CAPN15: variants seen among roughly 807,000 people sequenced by gnomAD.
CAPN15 encodes the protein calpain-15.
CAPN15 carries 53 observed loss-of-function variants against 97.9 expected under a neutral mutation model. That is an observed-to-expected ratio of 0.54 (90% CI 0.43 to 0.68). The LOEUF (loss-of-function observed/expected upper bound fraction) is 0.68. Ranked by LOEUF, CAPN15 falls within the 30% of genes least tolerant of loss-of-function variation. The probability of loss-of-function intolerance (pLI) is 0.00; values close to 1 mark genes in which losing one functional copy is unlikely to be tolerated. For synonymous variants in CAPN15, 922 were observed against 722.5 expected (o/e 1.28, Z -4.43); for missense variants, 1,592 against 1,589.8 (o/e 1.00, Z -0.02).
rs1297518409 is a variant in CAPN15, at chr16:549,377, A to G, written c.1748A>G (p.Tyr583Cys). The change falls in exon 6 of 14, where the codon TAC becomes TGC. Residue 583 changes from tyrosine to cysteine, a missense_variant. Tyr to Cys is a radical substitution (Grantham distance 194). Transcript: ENST00000219611. ...VTRSLCAEGAYQVRLCKDGTW... is the reference protein window; with the variant it reads ...VTRSLCAEGACQVRLCKDGTW... ...CGCAGCCTGTGTGCAGAGGGCGCCT[A>G]CCAGGTGCGGCTGTGCAAGGACGGC... The G allele has an allele frequency of 6.3e-7, 1 of 1,598,878 alleles. No individual in the cohort carries two copies. Among genetic ancestry groups the G allele is most frequent in the Non-Finnish European group, 8.5e-7 (1 of 1,178,704 alleles).
At chr16:544,530 TGCAC>T (rs2034393975) in intron 3 of CAPN15, among the ~76,000 whole-genome samples, 1 of 152,104 alleles carries the variant, frequency 6.6e-6, no homozygotes, top group Non-Finnish European at 1.5e-5. Context: ...GGCTCTGTCT[TGCAC>T]GCAGCGAGCG....
chr16:551,708 T>G, intron 9 of CAPN15, 44 bp downstream of exon 9: 1 of 1,577,718 alleles, frequency 6.3e-7, no homozygotes, highest in Non-Finnish European at 8.6e-7. Flanking sequence ...CCCGCCCTCC[T>G]AGGGCCGAGT....
intron 3 of CAPN15, among the ~76,000 whole-genome samples, chr16:544,109 A>AC (rs147306582): frequency 0.033 from 4,931 of 151,136 alleles, 276 homozygotes; most frequent in African/African-American, 0.11. Flanking sequence ...ACAAGGGTAG[A>AC]CCCCCCCTGG....
chr16:547,465 C>G lies in CAPN15; in HGVS notation c.627C>G (p.Ala209=), dbSNP rs34551280. 6.9e-6 allele frequency: 11 copies of G among 1,594,036 alleles called. No homozygotes were observed. The highest frequency in any genetic ancestry group is 7.6e-6 in the Non-Finnish European group (9 of 1,177,272). ...APPPGLPGEG[A]EANPPATSQG... The stretch of plus-strand genomic sequence containing the variant: ...CACCTGGCCTCCCCGGGGAAGGTGC[C>G]GAGGCCAACCCCCCAGCCACCAGCC... The change falls in exon 4 of 14, where the codon GCC becomes GCG. Residue 209 remains alanine (A), a synonymous_variant. Coordinates refer to ENST00000219611, the MANE Select transcript of CAPN15 (RefSeq NM_005632.3).
intron 1 of CAPN15, among the ~76,000 whole-genome samples, chr16:533,425 T>A (rs1390528720): frequency 2.6e-5 from 4 of 152,040 alleles, no homozygotes; most frequent in Non-Finnish European, 5.9e-5. Flanking sequence ...TGCTGACAGC[T>A]GTAGTGGCCG....
chr16:553,105 C>T, intron 13 of CAPN15, 64 bp downstream of exon 13: 1 of 885,284 alleles, frequency 1.1e-6, no homozygotes, highest in South Asian at 1.8e-5. Flanking sequence ...CCGCTGCACC[C>T]ACACCCAACT....
intron 1 of CAPN15, among the ~76,000 whole-genome samples, chr16:533,327 G>A (rs955353152): frequency 2.6e-5 from 4 of 152,274 alleles, no homozygotes; most frequent in Non-Finnish European, 5.9e-5. Flanking sequence ...GGCGGGAAGC[G>A]TGAGCATCCT....
At position 553,565 on chromosome 16, in the gene CAPN15, A is replaced by G. The variant is rs1188154302; in HGVS notation, c.*49A>G. 8.8e-7 allele frequency: 1 copy of G among 1,131,024 alleles called. No individual in the cohort carries two copies. Among genetic ancestry groups the G allele is most frequent in the Admixed American group, 2.2e-5 (1 of 45,962 alleles). 70.1% of individuals were successfully genotyped at this position (1,131,024 alleles called of 1,614,324 possible). A position where few individuals can be genotyped will look rare whatever the true frequency, so the allele number is the denominator to read the frequency against. On this transcript the variant is annotated 3_prime_UTR_variant, in exon 14 of 14. Coordinates refer to ENST00000219611, the MANE Select transcript of CAPN15 (RefSeq NM_005632.3). ...GTGCACAGACGGACCCCCCACCCCC[A>G]CACGCACTTTATGAGGGAGACCCCG...
In CAPN15 at chr16:553,726, C is replaced by T. The variant is rs1463220640; in HGVS notation, c.*210C>T. ...AGTCCGCCTGGCCAGGCCTCCTGGC[C>T]GCCACGCAGAATACCTCGAACCAGG... On this transcript the variant is annotated 3_prime_UTR_variant, in exon 14 of 14. Coordinates refer to ENST00000219611, the MANE Select transcript of CAPN15 (RefSeq NM_005632.3). The T allele has an allele frequency of 1.1e-5, 5 of 471,856 alleles. No individual in the cohort carries two copies. The highest frequency in any genetic ancestry group is 4.0e-5 in the African/African-American group (2 of 50,318). 29.2% of individuals were successfully genotyped at this position (471,856 alleles called of 1,614,324 possible). A position where few individuals can be genotyped will look rare whatever the true frequency, so the allele number is the denominator to read the frequency against.
rs1050165104 is a variant in CAPN15, at chr16:547,222, G to C, written c.384G>C (p.Glu128Asp). The change falls in exon 4 of 14, where the codon GAG becomes GAC. Residue 128 changes from glutamate to aspartate, a missense_variant. This residue lies in a region of CAPN15 where 883 missense variants were observed against 776.6 expected (regional missense o/e 1.14). Transcript: ENST00000219611. ...PARGQCEDKDEEEKEEQEEEE... is the reference protein window; with the variant it reads ...PARGQCEDKDDEEKEEQEEEE... ...GGGGGCAGTGCGAGGACAAGGACGAGGAGGAGAAGGAGGAGCAGGAGGAGG... is the reference window on the plus strand; with the variant it reads ...GGGGGCAGTGCGAGGACAAGGACGACGAGGAGAAGGAGGAGCAGGAGGAGG... 52 of 1,521,210 alleles carry C rather than the reference G, an allele frequency of 3.4e-5. No homozygotes were observed. Among genetic ancestry groups the C allele is most frequent in the Non-Finnish European group, 4.5e-5 (51 of 1,140,334 alleles). 94.2% of individuals were successfully genotyped at this position (1,521,210 alleles called of 1,614,324 possible). A position where few individuals can be genotyped will look rare whatever the true frequency, so the allele number is the denominator to read the frequency against.
At chr16:544,824 G>A (rs2034457509) in intron 3 of CAPN15, among the ~76,000 whole-genome samples, 1 of 48,608 alleles carries the variant, frequency 2.1e-5, no homozygotes, top group Non-Finnish European at 3.5e-5. Flanking sequence ...CCCCCACGTC[G>A]CCTCCCCCAC....
intron 3 of CAPN15, among the ~76,000 whole-genome samples, chr16:544,899 G>A (rs1377220457): frequency 1.6e-5 from 2 of 128,062 alleles, no homozygotes; most frequent in Non-Finnish European, 3.3e-5. Context: ...CCCCCACGTC[G>A]TCGTCTCCCC....
chr16:537,357 A>C, intron 3 of CAPN15: 1 of 985,540 alleles, frequency 1.0e-6, no homozygotes, highest in Middle Eastern at 5.2e-4. Context: ...CTTGGGCCTA[A>C]AGGCATCAGT....
In CAPN15 at chr16:533,935, T is replaced by C; in HGVS notation, c.-189-11T>C. 49 of 985,194 alleles carry C rather than the reference T, an allele frequency of 5.0e-5. No homozygotes were observed. Among genetic ancestry groups the C allele is most frequent in the Middle Eastern group, 5.2e-4 (1 of 1,912 alleles). 61.0% of individuals were successfully genotyped at this position (985,194 alleles called of 1,614,324 possible). On this transcript the variant is annotated splice_polypyrimidine_tract_variant and intron_variant, in intron 1 of 13. Coordinates refer to ENST00000219611, the MANE Select transcript of CAPN15 (RefSeq NM_005632.3). ...AAGCTGAGGTGCCTGATTAAATGCC[T>C]CCCTTTCTAGGCAGCAGCCCAGACG...
chr16:530,338 C>T (rs1423959299), intron 1 of CAPN15, among the ~76,000 whole-genome samples: 3 of 152,224 alleles, frequency 2.0e-5, no homozygotes, highest in Non-Finnish European at 2.9e-5. Flanking sequence ...GCAGAGCAGG[C>T]GGTCAGTGAG....
At chr16:531,263 A>G (rs1158318614) in intron 1 of CAPN15, among the ~76,000 whole-genome samples, 1 of 152,096 alleles carries the variant, frequency 6.6e-6, no homozygotes, top group Non-Finnish European at 1.5e-5. Context: ...TGCAGTTGCA[A>G]TCATAGCTCG....
At position 547,313 on chromosome 16, in the gene CAPN15, G is replaced by A. The variant is rs577911843; in HGVS notation, c.475G>A (p.Val159Met). 4.9e-5 allele frequency: 75 copies of A among 1,527,622 alleles called. No homozygotes were observed. In the South Asian group the frequency reaches 5.3e-4, roughly 11 times the overall value. The allele number at this position is 1,527,622 out of a possible 1,614,324, so 94.6% of individuals were successfully genotyped here. A position where few individuals can be genotyped will look rare whatever the true frequency, so the allele number is the denominator to read the frequency against. The change falls in exon 4 of 14, where the codon GTG becomes ATG. Residue 159 changes from valine (V) to methionine (M), a missense_variant. Val to Met is a conservative substitution (Grantham distance 21). Around this residue, in one of 3 missense-constraint regions of CAPN15, gnomAD observed 883 missense variants for 776.6 expected, o/e 1.14. Coordinates refer to ENST00000219611, the MANE Select transcript of CAPN15 (RefSeq NM_005632.3). ...GCGTTGCACGCTGCACAACACGCCC[G>A]TGGCCAGCTCCTGCTCCGTCTGCGG... ...CPRCTLHNTP[V>M]ASSCSVCGGP... is the part of the protein sequence containing the mutation.
chr16:528,391 G>A (rs2033007133), intron 1 of CAPN15, among the ~76,000 whole-genome samples: 1 of 152,208 alleles, frequency 6.6e-6, no homozygotes, highest in South Asian at 2.1e-4. Flanking sequence ...CCTTATATCC[G>A]GGCCCATCGT....
chr16:549,241 G>A (rs756309581), intron 5 of CAPN15, 40 bp downstream of exon 5: 1 of 448,086 alleles, frequency 2.2e-6, no homozygotes, highest in South Asian at 1.6e-5. Context: ...CGGGTGGGCG[G>A]GCGACCGGCC....
Sources: allele counts gnomAD v4.1 joint callset (sites outside exome capture counted in the v4.1 genomes callset), GRCh38; gene constraint gnomAD v4.1.1; regional missense constraint gnomAD v4.1.1; transcripts MANE v1.5; gene names NCBI Gene and HGNC (gene_info 2026-07-23, HGNC 2026-07-21).